Variants in DLG2 observed in about 807,000 individuals in gnomAD.
DLG2 encodes disks large homolog 2.
A neutral mutation model predicts 132.5 loss-of-function variants in DLG2; 45 were observed. The ratio of observed to expected loss-of-function variants is 0.34; its 90% CI spans 0.27 to 0.44. The LOEUF is 0.44. DLG2 is among the 20% of genes least tolerant of loss of function. DLG2 has a pLI of 1.00. For synonymous variants in DLG2, 424 were observed against 419.6 expected (o/e 1.01, Z -0.13); for missense variants, 1,045 against 1,196.9 (o/e 0.87, Z 1.87).
chr11:84,992,676 G>A (rs1173789618), intron 6 of DLG2, among the ~76,000 whole-genome samples: 8 of 151,988 alleles, frequency 5.3e-5, no homozygotes, highest in African/African-American at 1.7e-4. Context: ...TATGTTTGTT[G>A]GCCACATAAA....
chr11:84,739,778 A>G (rs1353439435), intron 6 of DLG2, among the ~76,000 whole-genome samples: 1 of 152,196 alleles, frequency 6.6e-6, no homozygotes, highest in East Asian at 1.9e-4. Flanking sequence ...ATAAAGCAGT[A>G]TCAAAACAAT....
At chr11:84,745,502 C>T (rs1399552092) in intron 6 of DLG2, among the ~76,000 whole-genome samples, 1 of 152,082 alleles carries the variant, frequency 6.6e-6, no homozygotes, top group Non-Finnish European at 1.5e-5. Context: ...GTACAGCCTG[C>T]AGAACTGTGA....
chr11:83,638,139 C>G (rs2065339334), intron 18 of DLG2, among the ~76,000 whole-genome samples: 1 of 152,114 alleles, frequency 6.6e-6, no homozygotes. Context: ...AAACATTACC[C>G]CCAGCTAGTT....
chr11:85,142,119 T>C (rs1313080806), intron 5 of DLG2, among the ~76,000 whole-genome samples: 2 of 151,876 alleles, frequency 1.3e-5, no homozygotes, highest in African/African-American at 4.8e-5. Context: ...TTGATAGGGA[T>C]TTCACTGAAC....
chr11:83,475,182 A>G (rs1025572189), intron 22 of DLG2, among the ~76,000 whole-genome samples: 3 of 152,138 alleles, frequency 2.0e-5, no homozygotes, highest in African/African-American at 4.8e-5. Flanking sequence ...GGCATGACAT[A>G]ATTGCTGTGA....
At chr11:83,834,244 A>T (rs1482246592) in intron 16 of DLG2, among the ~76,000 whole-genome samples, 1 of 152,190 alleles carries the variant, frequency 6.6e-6, no homozygotes, top group Non-Finnish European at 1.5e-5. Context: ...TCATTAGAAG[A>T]TTCTGAGACA....
At chr11:84,386,824 C>T (rs780464564) in intron 7 of DLG2, among the ~76,000 whole-genome samples, 2 of 151,952 alleles carry the variant, frequency 1.3e-5, no homozygotes, top group Non-Finnish European at 2.9e-5. Flanking sequence ...ATATTTGTAT[C>T]GTCTTGCATA....
At chr11:84,795,677 C>A (rs2074490663) in intron 6 of DLG2, among the ~76,000 whole-genome samples, 1 of 152,100 alleles carries the variant, frequency 6.6e-6, no homozygotes, top group African/African-American at 2.4e-5. Context: ...ATGTTGTGGA[C>A]AATGAGAAGA....
Position 83,786,702 on chromosome 11 carries a change from A to G in DLG2, c.1813T>C (p.Tyr605His). Reference protein sequence around the residue: ...AGQTVTIIAQYQPEDYARFEA... With the variant: ...AGQTVTIIAQHQPEDYARFEA... ...AGTTCTGACTGACCTTCAGGTTGAT[A>G]TTGTGCTATAATCGTCACTGTCTGT... The change falls in exon 18 of 28, where the codon TAT (tyrosine) becomes CAT (histidine). Residue 605 changes from tyrosine (Y) to histidine (H), a missense_variant. Physicochemically the swap from Tyr to His is moderately conservative, Grantham distance 83. This residue lies in a region of DLG2 where 398 missense variants were observed against 543.6 expected (regional missense o/e 0.73). Transcript: ENST00000376104. 1 of 1,613,964 alleles carries G rather than the reference A, an allele frequency of 6.2e-7. No individual in the cohort carries two copies. Among genetic ancestry groups the G allele is most frequent in the East Asian group, 2.2e-5 (1 of 44,868 alleles).
At chr11:85,269,058 T>A (rs1352027309) in intron 4 of DLG2, among the ~76,000 whole-genome samples, 2 of 152,256 alleles carry the variant, frequency 1.3e-5, no homozygotes, top group Non-Finnish European at 2.9e-5. Context: ...ACCATATAGC[T>A]ACTAGCTTGC....
chr11:85,474,213 T>G (rs1351756339), intron 3 of DLG2, among the ~76,000 whole-genome samples: 2 of 152,018 alleles, frequency 1.3e-5, no homozygotes, highest in African/African-American at 4.8e-5. Flanking sequence ...AAGAAGCTAT[T>G]TATGTAATAG....
chr11:83,817,605 T>C (rs2049395420), intron 17 of DLG2, among the ~76,000 whole-genome samples: 1 of 152,136 alleles, frequency 6.6e-6, no homozygotes, highest in Non-Finnish European at 1.5e-5. Context: ...CTGGGTGAGG[T>C]GGTTCACACC....
At chr11:83,683,961 C>G (rs192211036) in intron 18 of DLG2, among the ~76,000 whole-genome samples, 1 of 152,218 alleles carries the variant, frequency 6.6e-6, no homozygotes, top group East Asian at 1.9e-4. Context: ...CACCATTACT[C>G]AAATAAATTC....
At chr11:84,644,184 G>C (rs781336149) in intron 6 of DLG2, among the ~76,000 whole-genome samples, 1 of 152,034 alleles carries the variant, frequency 6.6e-6, no homozygotes, top group African/African-American at 2.4e-5. Flanking sequence ...TCTTTTCAAA[G>C]GTCCATCTAT....
chr11:84,561,884 A>C (rs2099429403), intron 6 of DLG2, among the ~76,000 whole-genome samples: 1 of 152,134 alleles, frequency 6.6e-6, no homozygotes, highest in African/African-American at 2.4e-5. Context: ...AACACTATAT[A>C]TGTCAAACGA....
intron 6 of DLG2, among the ~76,000 whole-genome samples, chr11:84,780,989 G>C (rs2071645891): frequency 8.6e-6 from 1 of 116,256 alleles, no homozygotes; most frequent in Non-Finnish European, 1.8e-5. Context: ...CTTTACTCCA[G>C]GATTGTACAA....
At chr11:83,889,980 G>GC (rs1341730168) in intron 15 of DLG2, among the ~76,000 whole-genome samples, 49 of 118,200 alleles carry the variant, frequency 4.1e-4, no homozygotes, top group African/African-American at 1.3e-3. Flanking sequence ...GGAGGGGGGA[G>GC]GGATAGCTTT....
chr11:83,671,797 A>G (rs1415373797), intron 18 of DLG2, among the ~76,000 whole-genome samples: 2 of 152,232 alleles, frequency 1.3e-5, no homozygotes, highest in Non-Finnish European at 2.9e-5. Context: ...AGCACAATAC[A>G]ATTGTCACAT....
chr11:85,101,493 T>C (rs2070841942), intron 6 of DLG2, among the ~76,000 whole-genome samples: 1 of 152,138 alleles, frequency 6.6e-6, no homozygotes, highest in Non-Finnish European at 1.5e-5. Context: ...TTGTGGGTAT[T>C]AAATAAGTAA....
Sources: gnomAD v4.1 joint callset for allele counts (sites outside exome capture counted in the v4.1 genomes callset) on GRCh38, gnomAD v4.1.1 for gene constraint, gnomAD v4.1.1 regional missense constraint, MANE v1.5 for transcripts, NCBI Gene and HGNC (gene_info 2026-07-23, HGNC 2026-07-21) for gene names.